Variants in NREP observed in about 807,000 individuals in gnomAD.
NREP encodes neuronal regeneration related protein.
A neutral mutation model predicts 8.6 loss-of-function variants in NREP; 5 were observed. The observed-to-expected ratio is 0.58, with a 90% confidence interval of 0.30 to 1.22. NREP has a LOEUF of 1.22. Among genes scored for constraint, NREP ranks in the 50% most tolerant of loss-of-function variants. The probability of loss-of-function intolerance (pLI) is 0.07; values close to 1 mark genes in which losing one functional copy is unlikely to be tolerated. For synonymous variants in NREP, 27 were observed against 28.0 expected, an observed-to-expected ratio of 0.96 and a Z score of 0.11; for missense variants, 86 against 82.5, an observed-to-expected ratio of 1.04 and a Z score of -0.17.
At chr5:111,887,682 G>T (rs144255176) in intron 2 of NREP, among the ~76,000 whole-genome samples, 18 of 152,310 alleles carry the variant, frequency 1.2e-4, no homozygotes, top group African/African-American at 4.1e-4. Flanking sequence ...ATTTTTCACT[G>T]AGACTGTTCA....
intron 2 of NREP, among the ~76,000 whole-genome samples, chr5:111,947,171 C>G (rs1311182276): frequency 6.6e-6 from 1 of 152,000 alleles, no homozygotes; most frequent in Non-Finnish European, 1.5e-5. Flanking sequence ...ATCCACTCCT[C>G]CACAATATCT....
chr5:111,939,734 T>C (rs192110113), intron 2 of NREP, among the ~76,000 whole-genome samples: 2 of 152,158 alleles, frequency 1.3e-5, no homozygotes, highest in Non-Finnish European at 2.9e-5. Context: ...CTGTTTAAAA[T>C]GGTCCCCAAG....
At chr5:111,970,825 CAAAAAA>C (rs33962098) in intron 2 of NREP, among the ~76,000 whole-genome samples, 5 of 53,628 alleles carry the variant, frequency 9.3e-5, no homozygotes, top group East Asian at 1.3e-3. Flanking sequence ...GACTCCATCT[CAAAAAA>C]AAAAAAAAAA....
chr5:111,795,417 G>T (rs693553), intron 2 of NREP, among the ~76,000 whole-genome samples: 2 of 151,894 alleles, frequency 1.3e-5, no homozygotes, highest in Non-Finnish European at 2.9e-5. Context: ...AAGCTAGGTA[G>T]ACAATCAATC....
intron 2 of NREP, among the ~76,000 whole-genome samples, chr5:111,886,944 C>T (rs1436217430): frequency 6.6e-6 from 1 of 151,258 alleles, no homozygotes; most frequent in Non-Finnish European, 1.5e-5. Flanking sequence ...GCACATTGTG[C>T]ACATGTACCC....
chr5:111,772,347 A>C (rs1751250911), intron 2 of NREP, among the ~76,000 whole-genome samples: 1 of 152,186 alleles, frequency 6.6e-6, no homozygotes, highest in Non-Finnish European at 1.5e-5. Context: ...GTAGTTTTGA[A>C]ATACAATTCA....
At chr5:111,870,354 T>C (rs1753761753) in intron 2 of NREP, among the ~76,000 whole-genome samples, 1 of 152,104 alleles carries the variant, frequency 6.6e-6, no homozygotes, top group African/African-American at 2.4e-5. Context: ...ACTTGAGCCC[T>C]GAGAGACAGA....
intron 2 of NREP, among the ~76,000 whole-genome samples, chr5:111,800,891 G>T (rs73223681): frequency 6.6e-6 from 1 of 152,104 alleles, no homozygotes; most frequent in Admixed American, 6.5e-5. Flanking sequence ...TCAAGTAAGA[G>T]GACTTGACAG....
chr5:111,794,101 T>C (rs762069836), intron 2 of NREP, among the ~76,000 whole-genome samples: 11 of 152,154 alleles, frequency 7.2e-5, no homozygotes, highest in South Asian at 2.1e-4. Context: ...AAAAGTTCAA[T>C]TGAATTTAAA....
intron 2 of NREP, among the ~76,000 whole-genome samples, chr5:111,849,980 G>C (rs1403130027): frequency 6.6e-6 from 1 of 152,100 alleles, no homozygotes; most frequent in African/African-American, 2.4e-5. Context: ...TGATGATTGT[G>C]GACTCACCAT....
At chr5:111,830,001 G>C (rs1320083955) in intron 2 of NREP, among the ~76,000 whole-genome samples, 1 of 152,172 alleles carries the variant, frequency 6.6e-6, no homozygotes, top group African/African-American at 2.4e-5. Context: ...ACAGATTCTT[G>C]TAATTAGCAC....
At chr5:111,766,879 T>C (rs1328495122) in intron 2 of NREP, among the ~76,000 whole-genome samples, 1 of 152,246 alleles carries the variant, frequency 6.6e-6, no homozygotes, top group African/African-American at 2.4e-5. Flanking sequence ...ATAAATCATA[T>C]GGGTGGTAGT....
At chr5:111,889,859 G>T (rs1241711358) in intron 2 of NREP, among the ~76,000 whole-genome samples, 1 of 152,044 alleles carries the variant, frequency 6.6e-6, no homozygotes, top group South Asian at 2.1e-4. Flanking sequence ...ACAGTTAAAG[G>T]GGGTTATTCT....
chr5:111,790,586 C>T (rs13173032), intron 2 of NREP, among the ~76,000 whole-genome samples: 150,051 of 152,132 alleles, frequency 0.99, 74,041 homozygotes, highest in East Asian at 1. Flanking sequence ...AGAATGATAT[C>T]CTTTCTCAAA....
chr5:111,733,504 T>C (rs1386094120), intron 3 of NREP: 2 of 152,014 alleles, frequency 1.3e-5, no homozygotes, highest in Non-Finnish European at 2.9e-5. Context: ...CCCACTATTT[T>C]TTTTTTTTTT....
intron 2 of NREP, among the ~76,000 whole-genome samples, chr5:111,809,020 C>T (rs924493111): frequency 3.3e-5 from 5 of 152,328 alleles, no homozygotes; most frequent in Middle Eastern, 3.4e-3. Context: ...TGTACATCTT[C>T]CAGGTTGGCC....
intron 2 of NREP, among the ~76,000 whole-genome samples, chr5:111,766,792 G>A (rs759662866): frequency 7.9e-5 from 12 of 152,162 alleles, no homozygotes; most frequent in Non-Finnish European, 1.8e-4. Flanking sequence ...GAAGGAGAAG[G>A]GCCAAAGGCC....
chr5:111,757,205 G>C (rs1750770825), upstream of NREP: 1 of 951,930 alleles, frequency 1.1e-6, no homozygotes, highest in Admixed American at 9.1e-5. Flanking sequence ...GGTTGAAAAA[G>C]GGCAACATGC....
At chr5:111,810,702 T>C (rs1444863344) in intron 2 of NREP, among the ~76,000 whole-genome samples, 2 of 152,244 alleles carry the variant, frequency 1.3e-5, no homozygotes, top group African/African-American at 4.8e-5. Flanking sequence ...CCAAATTTTA[T>C]AAGCTGTTCC....
Sources: gnomAD v4.1 joint callset for allele counts (sites outside exome capture counted in the v4.1 genomes callset) on GRCh38, gnomAD v4.1.1 for gene constraint, MANE v1.5 for transcripts, NCBI Gene and HGNC (gene_info 2026-07-23, HGNC 2026-07-21) for gene names.